LIN28A: variants seen among roughly 807,000 people sequenced by gnomAD.
The protein encoded by LIN28A is lin-28 RNA binding posttranscriptional regulator A.
In LIN28A, 11 loss-of-function variants were observed where a neutral mutation model predicts 21.1. The ratio of observed to expected loss-of-function variants is 0.52; its 90% CI spans 0.33 to 0.86. The LOEUF is 0.86. Ranked by LOEUF, LIN28A falls within the 40% of genes least tolerant of loss-of-function variation. The pLI is 0.03. For synonymous variants in LIN28A, 111 were observed against 108.7 expected, an observed-to-expected ratio of 1.02 and a Z score of -0.13; for missense variants, 219 against 279.8, an observed-to-expected ratio of 0.78 and a Z score of 1.55.
At chr1:26,413,902 A>T (rs1272339956) in intron 2 of LIN28A, among the ~76,000 whole-genome samples, 1 of 138,914 alleles carries the variant, frequency 7.2e-6, no homozygotes, top group East Asian at 2.0e-4. Context: ...ATCTCCACTC[A>T]CCGCAACCTC....
chr1:26,428,793 T>A lies in LIN28A; in HGVS notation c.*2335T>A, dbSNP rs2075075693. ...CCTCAGGTGATCTGCCCACCTTGGC[T>A]TCCCAAAGTGCTGGGATTACAGGCA... On this transcript the variant is annotated 3_prime_UTR_variant, in exon 4 of 4. Transcript: ENST00000326279. 6.6e-6 allele frequency: 1 copy of A among 151,602 alleles called. No homozygotes were observed. Among genetic ancestry groups the A allele is most frequent in the Non-Finnish European group, 1.5e-5 (1 of 68,088 alleles). 9.4% of individuals were successfully genotyped at this position (151,602 alleles called of 1,614,324 possible).
At chr1:26,419,326 A>G (rs999738288) in intron 2 of LIN28A, among the ~76,000 whole-genome samples, 1 of 152,256 alleles carries the variant, frequency 6.6e-6, no homozygotes, top group Non-Finnish European at 1.5e-5. Context: ...AGGTACCTGC[A>G]GGGGTGGGGG....
chr1:26,414,074 C>A (rs1026622101), intron 2 of LIN28A, among the ~76,000 whole-genome samples: 58 of 152,170 alleles, frequency 3.8e-4, no homozygotes, highest in African/African-American at 1.3e-3. Flanking sequence ...GATGATCCGC[C>A]CGCCTTGGCC....
intron 2 of LIN28A, among the ~76,000 whole-genome samples, chr1:26,413,984 C>G (rs1196408969): frequency 6.6e-6 from 1 of 151,912 alleles, no homozygotes; most frequent in African/African-American, 2.4e-5. Flanking sequence ...TGTGCCACCA[C>G]GCTCGGCTAA....
In LIN28A at chr1:26,413,821, G is replaced by T. The variant is rs866962561; in HGVS notation, c.228+2239G>T. On this transcript the variant is annotated intron_variant, in intron 2 of 3. Transcript: ENST00000326279. ...TTTTTGTTTGTTTGTTTGTTTGTTTGTTGCTTTTTTTTTTTTTTTTTTTGA... is the reference window on the plus strand; with the variant it reads ...TTTTTGTTTGTTTGTTTGTTTGTTTTTTGCTTTTTTTTTTTTTTTTTTTGA... 7.5e-3 allele frequency among the ~76,000 whole-genome samples: 824 copies of T among 109,936 alleles called. 12 individuals carry two copies. Among genetic ancestry groups the T allele is most frequent in the African/African-American group, 0.015 (399 of 27,506 alleles). 72.1% of individuals were successfully genotyped at this position (109,936 alleles called of 152,430 possible).
chr1:26,412,518 A>G (rs1309313527), intron 2 of LIN28A, among the ~76,000 whole-genome samples: 1 of 152,114 alleles, frequency 6.6e-6, no homozygotes, highest in African/African-American at 2.4e-5. Context: ...AGCTACCCAT[A>G]AAGACCATGG....
At chr1:26,412,893 C>T (rs1226840229) in intron 2 of LIN28A, among the ~76,000 whole-genome samples, 1 of 152,022 alleles carries the variant, frequency 6.6e-6, no homozygotes, top group Non-Finnish European at 1.5e-5. Flanking sequence ...GGTCAGTGGG[C>T]TACTTGAACA....
Position 26,420,648 on chromosome 1 carries a change from C to T in LIN28A, c.229-4655C>T, listed in dbSNP as rs142519859. Among the ~76,000 whole-genome samples the T allele has an allele frequency of 6.0e-5, 9 of 151,050 alleles. No individual in the cohort carries two copies. In the East Asian group the frequency reaches 1.8e-3, roughly 29 times the overall value. ...AGTGATAAGGAATCTGTGGTTCCTT[C>T]ATCTTGATGAAGAGCATGTTTCATT... On this transcript the variant is annotated intron_variant, in intron 2 of 3. Coordinates refer to ENST00000326279, the MANE Select transcript of LIN28A (RefSeq NM_024674.6).
At chr1:26,420,158 C>G (rs1278865043) in intron 2 of LIN28A, among the ~76,000 whole-genome samples, 1 of 151,980 alleles carries the variant, frequency 6.6e-6, no homozygotes, top group African/African-American at 2.4e-5. Context: ...CAGGGTTTCG[C>G]CCTGTTGCCC....
chr1:26,410,838 G>A lies in LIN28A; in HGVS notation c.-54G>A, dbSNP rs537567067. On this transcript the variant is annotated 5_prime_UTR_variant, in exon 1 of 4. Coordinates refer to ENST00000326279, the MANE Select transcript of LIN28A (RefSeq NM_024674.6). ...CAACCCTTTGCCTTCGGACTTCTCC[G>A]GGGCCAGCAGCCGCCCGACCAGGGG... The A allele has an allele frequency of 2.5e-6, 4 of 1,598,634 alleles. No homozygotes were observed. The Admixed American group carries it at 5.0e-5, about 20-fold the overall frequency.
intron 2 of LIN28A, among the ~76,000 whole-genome samples, chr1:26,417,772 A>G (rs2075002340): frequency 6.6e-6 from 1 of 152,188 alleles, no homozygotes. Context: ...AGTAACAGTT[A>G]TTTTGCATAG....
intron 2 of LIN28A, 81 bp from the exon 3 acceptor site, chr1:26,425,222 C>A: frequency 7.3e-7 from 1 of 1,378,642 alleles, no homozygotes; most frequent in East Asian, 2.3e-5. Flanking sequence ...TTGATTCCTA[C>A]CCTACAGGAA....
chr1:26,420,796 T>C (rs533786100), intron 2 of LIN28A, among the ~76,000 whole-genome samples: 3 of 152,154 alleles, frequency 2.0e-5, no homozygotes, highest in Non-Finnish European at 4.4e-5. Context: ...CTCCATTTTC[T>C]ATGACGACTA....
intron 2 of LIN28A, among the ~76,000 whole-genome samples, chr1:26,415,350 T>C (rs1338511288): frequency 6.6e-6 from 1 of 152,142 alleles, no homozygotes; most frequent in Non-Finnish European, 1.5e-5. Context: ...GTGTTAGGGT[T>C]GCGGGGGCGG....
Position 26,426,403 on chromosome 1 carries a change from G to A in LIN28A, c.575G>A (p.Arg192Gln), listed in dbSNP as rs748187241. 8.2e-5 allele frequency: 132 copies of A among 1,614,082 alleles called. No individual in the cohort carries two copies. The highest frequency in any genetic ancestry group is 1.0e-4 in the Non-Finnish European group (118 of 1,180,052). ...GCACAGGGAAAGCCAACCTACTTTC[G>A]AGAGGAAGAAGAAGAAATCCACAGC... Reference protein sequence around the residue: ...PSAQGKPTYFREEEEEIHSPT... With the variant: ...PSAQGKPTYFQEEEEEIHSPT... Residue 192 changes from arginine (R) to glutamine (Q), a missense_variant, in exon 4 of 4, where the codon CGA becomes CAA. Physicochemically the swap from Arg to Gln is conservative, Grantham distance 43. This residue lies in a region of LIN28A where 45 missense variants were observed against 37.7 expected (regional missense o/e 1.19). Coordinates refer to ENST00000326279, the MANE Select transcript of LIN28A (RefSeq NM_024674.6).
chr1:26,422,203 T>C (rs554863525), intron 2 of LIN28A, among the ~76,000 whole-genome samples: 1 of 151,856 alleles, frequency 6.6e-6, no homozygotes, highest in African/African-American at 2.4e-5. Context: ...AGAGATGGGT[T>C]TTTGCCATAT....
In LIN28A at chr1:26,411,115, G is replaced by C. The variant is rs1330751626; in HGVS notation, c.31+193G>C. ...GGCGTGCGCGCCAGACTACGTGGGT[G>C]GATGGAGAGGAGAGGCTTGTCCCGC... On this transcript the variant is annotated intron_variant, in intron 1 of 3. Transcript: ENST00000326279. This position sits in a 1 kb window ranked among gnomAD's most constrained non-coding sequence, Gnocchi z 5.4. Among the ~76,000 whole-genome samples, 2 of 152,234 alleles carry C rather than the reference G, an allele frequency of 1.3e-5. No homozygotes were observed. Among genetic ancestry groups the C allele is most frequent in the Non-Finnish European group, 2.9e-5 (2 of 68,040 alleles).
In LIN28A at chr1:26,427,094, G is replaced by C. The variant is rs2075064232; in HGVS notation, c.*636G>C. On this transcript the variant is annotated 3_prime_UTR_variant, in exon 4 of 4. Transcript: ENST00000326279. ...TTGCTCCCTTGGATACTGCACCTTG[G>C]GTCCCACTTTCTCCAGGATGCCAAC... 6.5e-6 allele frequency: 1 copy of C among 153,136 alleles called. No homozygotes were observed. The allele number at this position is 153,136 out of a possible 1,614,324, so 9.5% of individuals were successfully genotyped here. A position where few individuals can be genotyped will look rare whatever the true frequency, so the allele number is the denominator to read the frequency against.
In LIN28A at chr1:26,416,776, C is replaced by A. The variant is rs373456976; in HGVS notation, c.228+5194C>A. Among the ~76,000 whole-genome samples, 7 of 152,136 alleles carry A rather than the reference C, an allele frequency of 4.6e-5. No homozygotes were observed. In the South Asian group the frequency reaches 1.5e-3, roughly 32 times the overall value. ...GGGATTAGAGGCACCTGCCACCATG[C>A]CCGGCTAATGTTTTGTATTTTTAGT... On this transcript the variant is annotated intron_variant, in intron 2 of 3. Transcript: ENST00000326279.
Sources: gnomAD v4.1 joint callset for allele counts (sites outside exome capture counted in the v4.1 genomes callset) on GRCh38, gnomAD v4.1.1 for gene constraint, gnomAD v4.1.1 regional missense constraint, Gnocchi (gnomAD v3.1) non-coding constraint, MANE v1.5 for transcripts, NCBI Gene and HGNC (gene_info 2026-07-23, HGNC 2026-07-21) for gene names.